FHL5: variants seen among roughly 807,000 people sequenced by gnomAD.
FHL5 encodes the protein four and a half LIM domains 5.
A neutral mutation model predicts 32.0 loss-of-function variants in FHL5; 33 were observed. The observed-to-expected ratio is 1.03, with a 90% confidence interval of 0.78 to 1.38. FHL5 has a LOEUF of 1.38. Ranked by LOEUF, FHL5 falls within the 40% of genes most tolerant of loss-of-function variation. The probability of loss-of-function intolerance (pLI) is 0.00; values close to 1 mark genes in which losing one functional copy is unlikely to be tolerated. For missense variants in FHL5, 336 were observed against 343.9 expected (o/e 0.98, Z 0.18); for synonymous variants, 114 against 113.6 (o/e 1.00, Z -0.02).
chr6:96,584,874 T>A (rs1328952503), intron 1 of FHL5, among the ~76,000 whole-genome samples: 1 of 152,148 alleles, frequency 6.6e-6, no homozygotes, highest in African/African-American at 2.4e-5. Flanking sequence ...ATTAATAGGA[T>A]GTGGTAACCC....
At chr6:96,581,374 A>C (rs1770693346) in intron 1 of FHL5, among the ~76,000 whole-genome samples, 1 of 152,210 alleles carries the variant, frequency 6.6e-6, no homozygotes. Context: ...CATGAATGGA[A>C]AATGAAAGAC....
chr6:96,596,043 G>C (rs1771027204), intron 1 of FHL5, among the ~76,000 whole-genome samples: 2 of 151,226 alleles, frequency 1.3e-5, no homozygotes, highest in Admixed American at 6.6e-5. Flanking sequence ...TAGGATGATG[G>C]GACATTCTTT....
chr6:96,591,841 C>T (rs1770924831), intron 1 of FHL5, among the ~76,000 whole-genome samples: 1 of 152,038 alleles, frequency 6.6e-6, no homozygotes. Flanking sequence ...TAAAGCTGGG[C>T]ATCTGGGGGA....
At chr6:96,569,827 CT>C (rs574224340) in intron 1 of FHL5, among the ~76,000 whole-genome samples, 5,446 of 110,578 alleles carry the variant, frequency 0.049, 265 homozygotes, top group African/African-American at 0.12. Flanking sequence ...ATACTTAGGT[CT>C]TTTTTTTTTT....
At position 96,618,268 on chromosome 6, in the gene FHL5, A is replaced by T. The variant is rs1771561736; in HGVS notation, c.*2496A>T. 6.6e-6 allele frequency among the ~76,000 whole-genome samples: 1 copy of T among 152,250 alleles called. No individual in the cohort carries two copies. The highest frequency in any genetic ancestry group is 1.5e-5 in the Non-Finnish European group (1 of 68,046). ...CTGACTCAGGAAACAGTGGGCTCCC[A>T]GTAATTCAAAGGTGACATCTGCATG... On this transcript the variant is annotated 3_prime_UTR_variant, in exon 6 of 6. Coordinates refer to ENST00000450218, the MANE Select transcript of FHL5 (RefSeq NM_001322466.2).
chr6:96,571,017 C>T (rs1350535632), intron 1 of FHL5, among the ~76,000 whole-genome samples: 2 of 152,070 alleles, frequency 1.3e-5, no homozygotes, highest in East Asian at 3.9e-4. Context: ...GAGTCTGTTA[C>T]TAGAGAGTTA....
At chr6:96,565,027 G>A (rs771140721) in intron 1 of FHL5, among the ~76,000 whole-genome samples, 3 of 152,124 alleles carry the variant, frequency 2.0e-5, no homozygotes, top group Admixed American at 6.6e-5. Context: ...GGCCAAGGTC[G>A]TGGGGATCAC....
At chr6:96,582,106 A>C (rs1275589722) in intron 1 of FHL5, among the ~76,000 whole-genome samples, 1 of 152,216 alleles carries the variant, frequency 6.6e-6, no homozygotes, top group Non-Finnish European at 1.5e-5. Flanking sequence ...CAACCCAGCA[A>C]CTATATTGGC....
At chr6:96,587,223 C>G (rs554307039) in intron 1 of FHL5, among the ~76,000 whole-genome samples, 1 of 152,224 alleles carries the variant, frequency 6.6e-6, no homozygotes, top group African/African-American at 2.4e-5. Context: ...TCACAATGCC[C>G]CTGCTCATTT....
intron 1 of FHL5, 34 bp from the exon 2 acceptor site, chr6:96,603,567 GC>G (rs1217070595): frequency 6.7e-6 from 10 of 1,500,454 alleles, no homozygotes; most frequent in Non-Finnish European, 9.1e-6. Flanking sequence ...ACAAAATTCT[GC>G]TTTTATATAC....
chr6:96,581,690 G>A (rs1770700260), intron 1 of FHL5, among the ~76,000 whole-genome samples: 1 of 152,168 alleles, frequency 6.6e-6, no homozygotes, highest in South Asian at 2.1e-4. Context: ...AATCAATGAG[G>A]GGCCTCTCTG....
chr6:96,611,834 G>T (rs1372274173), intron 5 of FHL5, among the ~76,000 whole-genome samples: 1 of 152,190 alleles, frequency 6.6e-6, no homozygotes, highest in Non-Finnish European at 1.5e-5. Flanking sequence ...GGTCTTATTT[G>T]TCTATATGGA....
intron 1 of FHL5, among the ~76,000 whole-genome samples, chr6:96,564,591 T>C (rs1287961785): frequency 6.6e-6 from 1 of 152,200 alleles, no homozygotes; most frequent in African/African-American, 2.4e-5. Flanking sequence ...GTTTCTTACA[T>C]AAGACTGGGT....
chr6:96,569,824 G>A (rs575966301), intron 1 of FHL5, among the ~76,000 whole-genome samples: 1 of 116,080 alleles, frequency 8.6e-6, no homozygotes, highest in East Asian at 2.1e-4. Flanking sequence ...CATATACTTA[G>A]GTCTTTTTTT....
chr6:96,598,684 G>A (rs1416234670), intron 1 of FHL5, among the ~76,000 whole-genome samples: 3 of 152,138 alleles, frequency 2.0e-5, no homozygotes, highest in Non-Finnish European at 4.4e-5. Flanking sequence ...AAATTCTAAT[G>A]TGTACCCAAT....
At chr6:96,573,433 T>C (rs1386170037) in intron 1 of FHL5, among the ~76,000 whole-genome samples, 1 of 152,174 alleles carries the variant, frequency 6.6e-6, no homozygotes, top group Admixed American at 6.5e-5. Context: ...TAAGATTTCA[T>C]TTATAAAAAT....
At chr6:96,601,418 G>A (rs1040741372) in intron 1 of FHL5, among the ~76,000 whole-genome samples, 1 of 152,196 alleles carries the variant, frequency 6.6e-6, no homozygotes, top group Non-Finnish European at 1.5e-5. Context: ...TATGTAATTA[G>A]GACTGGGGTG....
chr6:96,606,178 C>T (rs1582478806), intron 4 of FHL5, 107 bp downstream of exon 4: 1 of 905,806 alleles, frequency 1.1e-6, no homozygotes, highest in African/African-American at 1.7e-5. Context: ...CTGTAATCAA[C>T]ACACCCATGG....
Position 96,604,787 on chromosome 6 carries a change from G to A in FHL5, c.197G>A (p.Cys66Tyr). 6.2e-7 allele frequency: 1 copy of A among 1,613,898 alleles called. No homozygotes were observed. Residue 66 changes from cysteine (C) to tyrosine (Y), a missense_variant, in exon 3 of 6, where the codon TGC becomes TAC. Coordinates refer to ENST00000450218, the MANE Select transcript of FHL5 (RefSeq NM_001322466.2). The stretch of plus-strand genomic sequence containing the variant: ...AAAGACCGGCACTGGCATGAAGGAT[G>A]CTTCAAGTGCACCAAATGCAATCAC... ...CYKDRHWHEG[C>Y]FKCTKCNHSL...
Sources: allele counts gnomAD v4.1 joint callset (sites outside exome capture counted in the v4.1 genomes callset), GRCh38; gene constraint gnomAD v4.1.1; transcripts MANE v1.5; gene names NCBI Gene and HGNC (gene_info 2026-07-23, HGNC 2026-07-21).